Variants in JMJD1C observed in about 807,000 individuals in gnomAD.
JMJD1C encodes the protein jumonji domain containing 1C, also known as jumonji domain-containing protein 1C.
A neutral mutation model predicts 245.3 loss-of-function variants in JMJD1C; 31 were observed. That is an observed-to-expected ratio of 0.13 (90% confidence interval 0.09 to 0.17). The LOEUF (loss-of-function observed/expected upper bound fraction) is 0.17. Ranked by LOEUF, JMJD1C falls within the 10% of genes least tolerant of loss-of-function variation. The probability of loss-of-function intolerance (pLI) is 1.00; values close to 1 mark genes in which losing one functional copy is unlikely to be tolerated. For missense variants in JMJD1C, 2,691 were observed against 3,000.2 expected (o/e 0.90, Z 2.41); for synonymous variants, 1,057 against 1,017.4 (o/e 1.04, Z -0.74).
Position 63,207,714 on chromosome 10 carries a change from G to T in JMJD1C, c.3955C>A (p.Pro1319Thr), listed in dbSNP as rs768203310. 6.2e-7 allele frequency: 1 copy of T among 1,614,124 alleles called. No homozygotes were observed. The highest frequency in any genetic ancestry group is 1.3e-5 in the African/African-American group (1 of 75,034). Reference sequence around the variant, plus strand: ...TCTTTAGAAGCTAACTGCATTGCTGGCATACTATCAGTTTTTGTACTAGAA... The same window carrying T: ...TCTTTAGAAGCTAACTGCATTGCTGTCATACTATCAGTTTTTGTACTAGAA... ...PSSSTKTDSM[P>T]AMQLASKDRV... Residue 1319 changes from proline to threonine, a missense_variant, in exon 10 of 26, where the codon CCA (proline) becomes ACA (threonine). Physicochemically the swap from Pro to Thr is conservative, Grantham distance 38. Transcript: ENST00000399262.
chr10:63,339,071 C>T (rs1427931783), intron 2 of JMJD1C, among the ~76,000 whole-genome samples: 1 of 152,044 alleles, frequency 6.6e-6, no homozygotes, highest in African/African-American at 2.4e-5. Flanking sequence ...GGTAAAAAAA[C>T]AAAAAATATA....
At chr10:63,322,145 T>A (rs1414364006) in intron 2 of JMJD1C, among the ~76,000 whole-genome samples, 1 of 152,210 alleles carries the variant, frequency 6.6e-6, no homozygotes. Flanking sequence ...TTTTCCTACA[T>A]GTTTATTCTC....
chr10:63,411,279 CA>C (rs1468095130), intron 1 of JMJD1C, among the ~76,000 whole-genome samples: 1 of 146,300 alleles, frequency 6.8e-6, no homozygotes, highest in South Asian at 2.2e-4. Flanking sequence ...TGAGTAGATA[CA>C]AATGTGTCAC....
chr10:63,482,253 G>A (rs751843181), intron 1 of JMJD1C, among the ~76,000 whole-genome samples: 1 of 152,140 alleles, frequency 6.6e-6, no homozygotes, highest in African/African-American at 2.4e-5. Flanking sequence ...ACTATTCACT[G>A]ATGTGTTCTA....
intron 12 of JMJD1C, among the ~76,000 whole-genome samples, chr10:63,198,204 G>C (rs184462893): frequency 1.3e-5 from 2 of 152,142 alleles, no homozygotes; most frequent in Non-Finnish European, 2.9e-5. Context: ...CAAATAATTG[G>C]GGTAGATTAT....
chr10:63,317,120 A>G (rs2134084700), intron 2 of JMJD1C, among the ~76,000 whole-genome samples: 1 of 151,862 alleles, frequency 6.6e-6, no homozygotes, highest in African/African-American at 2.4e-5. Flanking sequence ...TCAGCCTCCC[A>G]AAAGTGCTGG....
At chr10:63,183,366 A>T in intron 22 of JMJD1C, 81 bp downstream of exon 22, 1 of 1,280,638 alleles carries the variant, frequency 7.8e-7, no homozygotes, top group South Asian at 1.5e-5. Flanking sequence ...CTGTTAACTC[A>T]GAAGCTGATA....
chr10:63,268,982 T>G, intron 2 of JMJD1C: 1 of 985,566 alleles, frequency 1.0e-6, no homozygotes, highest in Non-Finnish European at 1.2e-6. Context: ...GGATTACAAC[T>G]CGCTCTTTGT....
chr10:63,332,659 TGATA>T (rs1242176731), intron 2 of JMJD1C, among the ~76,000 whole-genome samples: 1 of 152,366 alleles, frequency 6.6e-6, no homozygotes, highest in South Asian at 2.1e-4. Flanking sequence ...CTTAAATGCC[TGATA>T]AATAGTATCA....
chr10:63,199,564 G>T (rs562921851), intron 11 of JMJD1C, among the ~76,000 whole-genome samples: 3 of 151,756 alleles, frequency 2.0e-5, no homozygotes, highest in Non-Finnish European at 4.4e-5. Context: ...TATAATCTTT[G>T]CCTGAACATT....
chr10:63,194,141 T>A lies in JMJD1C; in HGVS notation c.5734+145A>T, dbSNP rs1443378480. The A allele has an allele frequency of 6.5e-6, 4 of 618,302 alleles. No homozygotes were observed. In the African/African-American group the frequency reaches 7.3e-5, roughly 11 times the overall value. 38.3% of individuals were successfully genotyped at this position (618,302 alleles called of 1,614,324 possible). On this transcript the variant is annotated intron_variant, in intron 14 of 25. Transcript: ENST00000399262. ...GACTTATCTTCTGAGCTTTATTACATAGAGGATTTCCAATAACTGAGCAAG... is the reference window on the plus strand; with the variant it reads ...GACTTATCTTCTGAGCTTTATTACAAAGAGGATTTCCAATAACTGAGCAAG...
intron 24 of JMJD1C, among the ~76,000 whole-genome samples, chr10:63,169,938 G>A (rs1842196226): frequency 6.6e-6 from 1 of 152,126 alleles, no homozygotes; most frequent in African/African-American, 2.4e-5. Context: ...TTGTCTAACA[G>A]ATGCTTTACA....
At chr10:63,465,448 C>T in intron 1 of JMJD1C, 47 bp downstream of exon 1, 2 of 1,522,450 alleles carry the variant, frequency 1.3e-6, no homozygotes, top group Non-Finnish European at 1.8e-6. Flanking sequence ...TCTGCGAGAG[C>T]CGGGTGCGGG....
intron 1 of JMJD1C, among the ~76,000 whole-genome samples, chr10:63,385,007 T>C (rs1200260759): frequency 6.6e-6 from 1 of 152,192 alleles, no homozygotes; most frequent in Non-Finnish European, 1.5e-5. Context: ...GACTATTCCT[T>C]TCACTTGAAA....
chr10:63,405,728 A>C (rs893146877), intron 1 of JMJD1C, among the ~76,000 whole-genome samples: 2 of 152,206 alleles, frequency 1.3e-5, no homozygotes, highest in Non-Finnish European at 2.9e-5. Flanking sequence ...TCTAATAAGA[A>C]AATGCAGCAG....
At chr10:63,518,037 C>T (rs917230182) in intron 1 of JMJD1C, among the ~76,000 whole-genome samples, 1 of 152,182 alleles carries the variant, frequency 6.6e-6, no homozygotes, top group Non-Finnish European at 1.5e-5. Context: ...AAGTGATCTG[C>T]CCTTGTCGGC....
At chr10:63,187,926 T>C (rs1844321966) in intron 18 of JMJD1C, among the ~76,000 whole-genome samples, 1 of 152,198 alleles carries the variant, frequency 6.6e-6, no homozygotes, top group African/African-American at 2.4e-5. Context: ...TTCATGATCA[T>C]TCCTCTAGCC....
At chr10:63,250,352 T>A (rs552931097) in intron 3 of JMJD1C, among the ~76,000 whole-genome samples, 2 of 152,232 alleles carry the variant, frequency 1.3e-5, no homozygotes, top group Non-Finnish European at 2.9e-5. Flanking sequence ...GATAAGTACG[T>A]ATATTTATAG....
chr10:63,301,652 C>A, intron 2 of JMJD1C: 1 of 366,218 alleles, frequency 2.7e-6, no homozygotes, highest in Non-Finnish European at 5.4e-6. Context: ...CAGACCAGGG[C>A]CTGTCCGGGG....
Sources: allele counts gnomAD v4.1 joint callset (sites outside exome capture counted in the v4.1 genomes callset), GRCh38; gene constraint gnomAD v4.1.1; transcripts MANE v1.5; gene names NCBI Gene and HGNC (gene_info 2026-07-23, HGNC 2026-07-21).